The following NTRK3 variants were observed in gnomAD, a reference collection of about 807,000 sequenced individuals.
The protein encoded by NTRK3 is NT-3 growth factor receptor.
In NTRK3, 24 loss-of-function variants were observed where a neutral mutation model predicts 91.7. The observed-to-expected ratio is 0.26, with a 90% CI of 0.19 to 0.37. The LOEUF is 0.37. NTRK3 is among the 10% of genes least tolerant of loss of function. The pLI is 1.00. For synonymous variants in NTRK3, 483 were observed against 404.0 expected (o/e 1.20, Z -2.34); for missense variants, 880 against 1,068.9 (o/e 0.82, Z 2.46).
chr15:88,190,413 C>A (rs2047294448), intron 3 of NTRK3, among the ~76,000 whole-genome samples: 1 of 152,200 alleles, frequency 6.6e-6, no homozygotes, highest in African/African-American at 2.4e-5. Context: ...ATACGACCAG[C>A]CTAATGAGCC....
chr15:88,126,461 TC>T, intron 12 of NTRK3, 88 bp from the exon 13 acceptor site: 1 of 813,442 alleles, frequency 1.2e-6, no homozygotes, highest in Non-Finnish European at 2.1e-6. Flanking sequence ...ATAAGAACAG[TC>T]CTACTGCCAT....
chr15:88,184,369 A>G, intron 3 of NTRK3, 70 bp from the exon 4 acceptor site: 2 of 1,458,892 alleles, frequency 1.4e-6, no homozygotes, highest in Non-Finnish European at 1.9e-6. Context: ...GGAGCCACAG[A>G]GACCTGGCTT....
exon 19 of NTRK3, chr15:87,870,244 T>C (rs1336434707): frequency 5.4e-6 from 1 of 185,068 alleles, no homozygotes; most frequent in Non-Finnish European, 1.1e-5. Flanking sequence ...GATGGAATAC[T>C]ACTCATCCAT....
At chr15:88,042,219 G>T (rs2079699066) in intron 13 of NTRK3, among the ~76,000 whole-genome samples, 1 of 152,160 alleles carries the variant, frequency 6.6e-6, no homozygotes, top group South Asian at 2.1e-4. Flanking sequence ...TAAAAATCCA[G>T]CCATGCTCAG....
At chr15:88,194,424 G>A (rs1461292860) in intron 3 of NTRK3, among the ~76,000 whole-genome samples, 2 of 152,310 alleles carry the variant, frequency 1.3e-5, no homozygotes, top group East Asian at 1.9e-4. Context: ...TCCAATACCA[G>A]CCCCTGCTTT....
chr15:87,940,834 A>C, intron 14 of NTRK3, 81 bp from the exon 15 acceptor site: 1 of 1,602,530 alleles, frequency 6.2e-7, no homozygotes, highest in Non-Finnish European at 8.5e-7. Flanking sequence ...ACAGAGGTCT[A>C]GCGTGGAGAA....
intron 14 of NTRK3, among the ~76,000 whole-genome samples, chr15:87,987,815 T>C (rs4887344): frequency 0.71 from 106,959 of 151,556 alleles, 38,665 homozygotes; most frequent in African/African-American, 0.86. Context: ...CGTTTAGGGC[T>C]GGACGTGGCC....
intron 13 of NTRK3, among the ~76,000 whole-genome samples, chr15:88,089,554 G>A (rs1404334601): frequency 6.6e-6 from 1 of 152,232 alleles, no homozygotes; most frequent in Non-Finnish European, 1.5e-5. Context: ...TGGGGGAAAT[G>A]TCTATGACAT....
chr15:87,938,625 C>T, intron 15 of NTRK3, among the ~76,000 whole-genome samples: 1 of 152,190 alleles, frequency 6.6e-6, no homozygotes, highest in East Asian at 1.9e-4. Flanking sequence ...AATGCCAGAC[C>T]ACTCGGGGAA....
chr15:88,187,586 C>T (rs567619485), intron 3 of NTRK3, among the ~76,000 whole-genome samples: 4 of 152,318 alleles, frequency 2.6e-5, no homozygotes, highest in Admixed American at 1.3e-4. Context: ...AACGATTACA[C>T]GTGGCTTCTC....
intron 13 of NTRK3, among the ~76,000 whole-genome samples, chr15:88,088,402 A>G (rs952111383): frequency 5.3e-5 from 8 of 152,218 alleles, no homozygotes; most frequent in Non-Finnish European, 7.3e-5. Context: ...GCACTCTGCT[A>G]TGAGGAAAAC....
chr15:87,954,391 C>T (rs28470649), intron 14 of NTRK3, among the ~76,000 whole-genome samples: 5,859 of 152,248 alleles, frequency 0.038, 381 homozygotes, highest in African/African-American at 0.13. Context: ...GACAGCTATA[C>T]CTCCTGCCTC....
chr15:88,128,191 A>T (rs2053485866), intron 11 of NTRK3, among the ~76,000 whole-genome samples: 1 of 152,202 alleles, frequency 6.6e-6, no homozygotes, highest in Admixed American at 6.5e-5. Flanking sequence ...AGGATTGTCT[A>T]GCCCTAGCCC....
intron 14 of NTRK3, among the ~76,000 whole-genome samples, chr15:87,980,453 CT>C (rs1250660140): frequency 9.9e-5 from 15 of 151,858 alleles, no homozygotes; most frequent in African/African-American, 3.4e-4. Flanking sequence ...ATGTGTACAC[CT>C]GTGTGTTTTC....
intron 6 of NTRK3, chr15:88,144,170 AT>A (rs1291616953): frequency 6.6e-6 from 1 of 152,224 alleles, no homozygotes; most frequent in African/African-American, 2.4e-5. Context: ...GAAAAAAAAA[AT>A]AATCTTGCCA....
chr15:88,111,537 A>G (rs1218983975), intron 13 of NTRK3, among the ~76,000 whole-genome samples: 1 of 152,164 alleles, frequency 6.6e-6, no homozygotes, highest in Non-Finnish European at 1.5e-5. Flanking sequence ...CTCTCAGGTG[A>G]TTGAGGGAAC....
rs751529067 is a variant in NTRK3 at position 87,877,133 on chromosome 15, G to A, written c.2293-13C>T. The A allele has an allele frequency of 2.7e-5, 43 of 1,613,300 alleles. No individual in the cohort carries two copies. The highest frequency in any genetic ancestry group is 3.6e-5 in the Non-Finnish European group (42 of 1,179,732). Reference sequence around the variant, plus strand: ...TGCACTCAATGACCTGAAAGAGTGAGAAGAACAAGGAAGTTACACCCAAAG... The same window carrying A: ...TGCACTCAATGACCTGAAAGAGTGAAAAGAACAAGGAAGTTACACCCAAAG... On this transcript the variant is annotated splice_polypyrimidine_tract_variant and intron_variant, in intron 18 of 18. Coordinates refer to ENST00000394480, the Ensembl canonical transcript of NTRK3.
At chr15:87,939,065 C>T (rs903716366) in intron 15 of NTRK3, among the ~76,000 whole-genome samples, 6 of 152,170 alleles carry the variant, frequency 3.9e-5, no homozygotes, top group Admixed American at 6.5e-5. Flanking sequence ...TCCAACAACA[C>T]AGGAAGAGTT....
At chr15:88,047,018 C>G (rs1355781244) in intron 13 of NTRK3, among the ~76,000 whole-genome samples, 1 of 152,206 alleles carries the variant, frequency 6.6e-6, no homozygotes, top group Non-Finnish European at 1.5e-5. Context: ...CCTGCAGAGG[C>G]TCCATGGGCG....
Sources: gnomAD v4.1 joint callset for allele counts (sites outside exome capture counted in the v4.1 genomes callset) on GRCh38, gnomAD v4.1.1 for gene constraint, MANE v1.5 for transcripts, NCBI Gene and HGNC (gene_info 2026-07-23, HGNC 2026-07-21) for gene names.